The following ATP11A variants were observed in gnomAD, a reference collection of about 807,000 sequenced individuals.
ATP11A encodes phospholipid-transporting ATPase IH.
Under a neutral mutation model 154.4 loss-of-function variants are expected in ATP11A, and 81 were observed. The ratio of observed to expected loss-of-function variants is 0.52; its 90% CI spans 0.44 to 0.63. The LOEUF (loss-of-function observed/expected upper bound fraction) is 0.63. Among genes scored for constraint, ATP11A ranks in the 30% least tolerant of loss-of-function variants. The pLI is 0.00. For missense variants in ATP11A, 1,316 were observed against 1,474.3 expected, an observed-to-expected ratio of 0.89 and a Z score of 1.76; for synonymous variants, 623 against 585.9, an observed-to-expected ratio of 1.06 and a Z score of -0.91.
At chr13:112,824,525 C>A in intron 10 of ATP11A, 100 bp downstream of exon 10, 2 of 1,067,526 alleles carry the variant, frequency 1.9e-6, no homozygotes, top group Non-Finnish European at 2.9e-6. Flanking sequence ...AGTTCCTTTG[C>A]CACTGTACAG....
chr13:112,794,338 C>G (rs190792225), intron 2 of ATP11A, among the ~76,000 whole-genome samples: 1 of 152,184 alleles, frequency 6.6e-6, no homozygotes, highest in African/African-American at 2.4e-5. Flanking sequence ...CCCACTCTAA[C>G]GTGTGGAATA....
At chr13:112,804,687 A>T (rs1165333801) in intron 2 of ATP11A, among the ~76,000 whole-genome samples, 1 of 151,884 alleles carries the variant, frequency 6.6e-6, no homozygotes, top group Non-Finnish European at 1.5e-5. Flanking sequence ...TTTATAAAAG[A>T]CATCTTAATA....
rs904746914 is a variant in ATP11A at position 112,838,508 on chromosome 13, C to T, written c.1705+2257C>T. 1.9e-4 allele frequency among the ~76,000 whole-genome samples: 29 copies of T among 152,220 alleles called. No homozygotes were observed. Among genetic ancestry groups the T allele is most frequent in the South Asian group, 1.0e-3 (5 of 4,836 alleles). ...TCAGCCACCCCGGAGCCGCCCCTGC[C>T]GCGCACTCACCCCGGAGCTGGCCCT... On this transcript the variant is annotated intron_variant, in intron 16 of 29. Coordinates refer to ENST00000375645, the MANE Select transcript of ATP11A (RefSeq NM_015205.3). This position sits in a 1 kb window ranked among gnomAD's most constrained non-coding sequence, Gnocchi z 7.3.
intron 29 of ATP11A, chr13:112,880,334 G>A (rs897039556): frequency 2.7e-5 from 6 of 220,936 alleles, no homozygotes; most frequent in Non-Finnish European, 4.3e-5. Context: ...TTCTGGGCTC[G>A]GGCCCCTCAT....
At chr13:112,707,922 C>G (rs1197011054) in intron 1 of ATP11A, among the ~76,000 whole-genome samples, 2 of 152,194 alleles carry the variant, frequency 1.3e-5, no homozygotes, top group South Asian at 2.1e-4. Context: ...TCCACAAAAC[C>G]ATTACATCTT....
chr13:112,808,883 C>T (rs958133280), intron 4 of ATP11A, among the ~76,000 whole-genome samples: 2 of 152,292 alleles, frequency 1.3e-5, no homozygotes, highest in South Asian at 2.1e-4. Flanking sequence ...GTGTCCTTCC[C>T]GTCCCAGCCA....
rs553618603 is a variant in ATP11A, at chr13:112,858,138, C to G, written c.2522-7C>G. 6.2e-7 allele frequency: 1 copy of G among 1,612,920 alleles called. No homozygotes were observed. Among genetic ancestry groups the G allele is most frequent in the African/African-American group, 1.3e-5 (1 of 75,040 alleles). The stretch of plus-strand genomic sequence containing the variant: ...ATTTCTTCAGCTCCTTCACCTCCGT[C>G]TTCTAGGTGTCATCGGCAAGGAAGG... On this transcript the variant is annotated splice_polypyrimidine_tract_variant and splice_region_variant and intron_variant, in intron 21 of 29. Coordinates refer to ENST00000375645, the MANE Select transcript of ATP11A (RefSeq NM_015205.3).
At chr13:112,771,870 T>C (rs1462983817) in intron 1 of ATP11A, among the ~76,000 whole-genome samples, 1 of 152,138 alleles carries the variant, frequency 6.6e-6, no homozygotes, top group Non-Finnish European at 1.5e-5. Flanking sequence ...AAAAGGGAGA[T>C]AGGAGGAAAC....
At position 112,782,817 on chromosome 13, in the gene ATP11A, C is replaced by T. The variant is rs761352574; in HGVS notation, c.40-2318C>T. 9.2e-5 allele frequency among the ~76,000 whole-genome samples: 14 copies of T among 152,324 alleles called. No homozygotes were observed. The South Asian group carries it at 1.4e-3, about 16-fold the overall frequency. On this transcript the variant is annotated intron_variant, in intron 1 of 29. Transcript: ENST00000375645. ...GGCCAGCAGGCTCGCGGGGAGGCCA[C>T]GACCCAAGGTCGCGCTGAGGAAAAC...
In ATP11A at chr13:112,819,646, GA is replaced by G. The variant is rs373450256; in HGVS notation, c.675-245del. Among the ~76,000 whole-genome samples, 644 of 150,932 alleles carry G rather than the reference GA, an allele frequency of 4.3e-3. 4 individuals carry two copies. Among genetic ancestry groups the G allele is most frequent in the African/African-American group, 0.014 (567 of 41,230 alleles). Reference sequence around the variant, plus strand: ...TGGCTTCGTGGAACCATATTTGTGGGAAAAAAAAAGAATAAGTTTTCTTTAT... The same window carrying G: ...TGGCTTCGTGGAACCATATTTGTGGGAAAAAAAAGAATAAGTTTTCTTTAT... On this transcript the variant is annotated intron_variant, in intron 7 of 29. Coordinates refer to ENST00000375645, the MANE Select transcript of ATP11A (RefSeq NM_015205.3).
chr13:112,853,246 C>A (rs544146816), intron 18 of ATP11A, among the ~76,000 whole-genome samples: 4,084 of 145,408 alleles, frequency 0.028, 64 homozygotes, highest in Non-Finnish European at 0.027. Context: ...TTCTCTCTCT[C>A]TATATATATA....
At chr13:112,866,567 C>T (rs1183325160) in intron 25 of ATP11A, among the ~76,000 whole-genome samples, 1 of 151,070 alleles carries the variant, frequency 6.6e-6, no homozygotes, top group Non-Finnish European at 1.5e-5. Context: ...GCTTAAATGC[C>T]TCAGGTATTT....
At position 112,885,962 on chromosome 13, in the gene ATP11A, TCCAG is replaced by T. The variant is rs1566617436; in HGVS notation, c.*4099_*4102del. On this transcript the variant is annotated 3_prime_UTR_variant, in exon 30 of 30. Coordinates refer to ENST00000375645, the MANE Select transcript of ATP11A (RefSeq NM_015205.3). ...ACAAGGCCCTTCCCCTTTAGGGAGG[TCCAG>T]CCTCGCAAGCTGAAACCTCCCCTCG... 2 of 152,184 alleles carry T rather than the reference TCCAG, an allele frequency of 1.3e-5. No homozygotes were observed. Among genetic ancestry groups the T allele is most frequent in the African/African-American group, 4.8e-5 (2 of 41,416 alleles). The allele number at this position is 152,184 out of a possible 1,614,324, so 9.4% of individuals were successfully genotyped here. A position where few individuals can be genotyped will look rare whatever the true frequency, so the allele number is the denominator to read the frequency against.
intron 17 of ATP11A, among the ~76,000 whole-genome samples, chr13:112,845,108 G>A (rs2079545962): frequency 6.6e-6 from 1 of 150,834 alleles, no homozygotes; most frequent in African/African-American, 2.4e-5. Flanking sequence ...CCAGCCACTA[G>A]CGGTACTAGT....
intron 12 of ATP11A, among the ~76,000 whole-genome samples, chr13:112,829,731 G>T (rs1052462350): frequency 6.6e-6 from 1 of 152,146 alleles, no homozygotes; most frequent in African/African-American, 2.4e-5. Context: ...AAAGGCATTC[G>T]TATAGGAAAG....
chr13:112,761,717 C>T (rs1351678638), intron 1 of ATP11A, among the ~76,000 whole-genome samples: 1 of 151,932 alleles, frequency 6.6e-6, no homozygotes, highest in African/African-American at 2.4e-5. Context: ...CAGGAATCTC[C>T]TGGGGTCTTG....
At position 112,703,670 on chromosome 13, in the gene ATP11A, A is replaced by G. The variant is rs1346974259; in HGVS notation, c.39+13215A>G. 4.6e-5 allele frequency among the ~76,000 whole-genome samples: 7 copies of G among 152,126 alleles called. No individual in the cohort carries two copies. In the South Asian group the frequency reaches 8.3e-4, roughly 18 times the overall value. On this transcript the variant is annotated intron_variant, in intron 1 of 29. Transcript: ENST00000375645. The stretch of plus-strand genomic sequence containing the variant: ...GGTAATTTGACCCTTCTTAGATGTA[A>G]CAGACCGCAGTTCCCGTGGTTGGTT...
chr13:112,798,212 A>G (rs1188080907), intron 2 of ATP11A, among the ~76,000 whole-genome samples: 2 of 152,236 alleles, frequency 1.3e-5, no homozygotes, highest in African/African-American at 4.8e-5. Context: ...TCACATTGGC[A>G]ACACCTGAAT....
chr13:112,836,991 G>T (rs923899729), intron 16 of ATP11A, among the ~76,000 whole-genome samples: 5 of 152,158 alleles, frequency 3.3e-5, no homozygotes, highest in Non-Finnish European at 7.4e-5. Context: ...GGACGACCTC[G>T]TCTCCCCCCA....
Sources: allele counts gnomAD v4.1 joint callset (sites outside exome capture counted in the v4.1 genomes callset), GRCh38; gene constraint gnomAD v4.1.1; non-coding constraint Gnocchi (gnomAD v3.1); transcripts MANE v1.5; gene names NCBI Gene and HGNC (gene_info 2026-07-23, HGNC 2026-07-21).